The following SLC12A4 variants were observed in gnomAD, a reference collection of about 807,000 sequenced individuals.
The protein encoded by SLC12A4 is electroneutral potassium-chloride cotransporter 1.
In SLC12A4, 84 loss-of-function variants were observed where a neutral mutation model predicts 119.2. The ratio of observed to expected loss-of-function variants is 0.70; its 90% CI spans 0.59 to 0.85. SLC12A4 has a LOEUF of 0.85. Among genes scored for constraint, SLC12A4 ranks in the 40% least tolerant of loss-of-function variants. SLC12A4 has a pLI of 0.00. For synonymous variants in SLC12A4, 599 were observed against 604.6 expected, an observed-to-expected ratio of 0.99 and a Z score of 0.14; for missense variants, 1,298 against 1,476.3, an observed-to-expected ratio of 0.88 and a Z score of 1.98.
At chr16:67,952,703 C>A (rs1218530096) in intron 6 of SLC12A4, among the ~76,000 whole-genome samples, 4 of 151,682 alleles carry the variant, frequency 2.6e-5, no homozygotes, top group Non-Finnish European at 1.5e-5. Context: ...GCAGGAGGAT[C>A]GCCTGAATCC....
Position 67,963,814 on chromosome 16 carries a change from T to C in SLC12A4, c.116-255A>G, listed in dbSNP as rs747498098. On this transcript the variant is annotated intron_variant, in intron 1 of 23. Transcript: ENST00000316341. ...AATCCAGGTGAGGGCGCAGGCGCCCTAGCACAAGCACGTATGGACACTGAG... is the reference window on the plus strand; with the variant it reads ...AATCCAGGTGAGGGCGCAGGCGCCCCAGCACAAGCACGTATGGACACTGAG... 3.7e-5 allele frequency: 51 copies of C among 1,391,858 alleles called. No individual in the cohort carries two copies. In the South Asian group the frequency reaches 6.1e-4, roughly 17 times the overall value. 86.2% of individuals were successfully genotyped at this position (1,391,858 alleles called of 1,614,324 possible). A position where few individuals can be genotyped will look rare whatever the true frequency, so the allele number is the denominator to read the frequency against.
At chr16:67,946,742 G>C (rs932389056) in intron 17 of SLC12A4, 109 bp from the exon 18 acceptor site, 1 of 1,352,810 alleles carries the variant, frequency 7.4e-7, no homozygotes, top group African/African-American at 1.5e-5. Flanking sequence ...GGAGGGCCTG[G>C]GGGCAACAAG....
At chr16:67,959,132 G>A (rs1418966060) in intron 3 of SLC12A4, among the ~76,000 whole-genome samples, 1 of 152,182 alleles carries the variant, frequency 6.6e-6, no homozygotes, top group Non-Finnish European at 1.5e-5. Flanking sequence ...TGTAGGGCAG[G>A]TGAGGAAGAT....
At chr16:67,954,167 TG>T in intron 6 of SLC12A4, 3 of 403,270 alleles carry the variant, frequency 7.4e-6, no homozygotes, top group East Asian at 1.7e-4. Context: ...AGAGCTCCCA[TG>T]GGGCTCGTGG....
rs545242082 is a variant in SLC12A4, at chr16:67,968,597, C to A, written c.-44G>T. 2 of 1,387,012 alleles carry A rather than the reference C, an allele frequency of 1.4e-6. No individual in the cohort carries two copies. Among genetic ancestry groups the A allele is most frequent in the African/African-American group, 3.1e-5 (2 of 64,392 alleles). The allele number at this position is 1,387,012 out of a possible 1,614,324, so 85.9% of individuals were successfully genotyped here. A position where few individuals can be genotyped will look rare whatever the true frequency, so the allele number is the denominator to read the frequency against. ...CCGCACCCGCCGTCCCAGCCGCCCG[C>A]CGCTGTCCCCGCCGCTGTCCCCGCC... On this transcript the variant is annotated 5_prime_UTR_variant, in exon 1 of 24. Transcript: ENST00000316341.
In SLC12A4 at chr16:67,946,056, G is replaced by T; in HGVS notation, c.2634C>A (p.Ile878=). 6.2e-7 allele frequency: 1 copy of T among 1,614,042 alleles called. No individual in the cohort carries two copies. The highest frequency in any genetic ancestry group is 1.1e-5 in the South Asian group (1 of 91,092). ...HKVWRKCRMR[I]FTVAQMDDNS... ...TGTCATCCATCTGGGCCACTGTGAA[G>T]ATGCGCATCCGGCACTTCCTCCAGA... The change falls in exon 20 of 24, where the codon ATC becomes ATA. Residue 878 remains isoleucine, a synonymous_variant. Transcript: ENST00000316341.
chr16:67,945,072 T>G lies in SLC12A4; in HGVS notation c.3166+15A>C, dbSNP rs2058325387. On this transcript the variant is annotated intron_variant, in intron 23 of 23. Coordinates refer to ENST00000316341, the MANE Select transcript of SLC12A4 (RefSeq NM_005072.5). The stretch of plus-strand genomic sequence containing the variant: ...TATCCACCTCCCAACTGCCTGCCTC[T>G]CCACAAAGGGATACAGTTCTCGTCG... 1.3e-6 allele frequency: 2 copies of G among 1,575,460 alleles called. No homozygotes were observed. Among genetic ancestry groups the G allele is most frequent in the Non-Finnish European group, 1.7e-6 (2 of 1,158,080 alleles).
Position 67,946,571 on chromosome 16 carries a change from G to A in SLC12A4, c.2304C>T (p.Ser768=), listed in dbSNP as rs755145974. ...VKGFCQVVVA[S]KVREGLAHLI... ...GGTGGGCCAGCCCCTCCCGCACCTT[G>A]CTGGCCACCACCACCTGGCAGAAGC... The change falls in exon 18 of 24, where the codon AGC becomes AGT. Residue 768 remains serine, a synonymous_variant. Transcript: ENST00000316341. 1 of 1,612,838 alleles carries A rather than the reference G, an allele frequency of 6.2e-7. No homozygotes were observed. The highest frequency in any genetic ancestry group is 1.1e-5 in the South Asian group (1 of 91,080).
At position 67,968,399 on chromosome 16, in the gene SLC12A4, C is replaced by A. The variant is rs965925523; in HGVS notation, c.115+40G>T. The A allele has an allele frequency of 2.6e-6, 4 of 1,510,102 alleles. No homozygotes were observed. The African/African-American group carries it at 4.3e-5, about 16-fold the overall frequency. The allele number at this position is 1,510,102 out of a possible 1,614,324, so 93.5% of individuals were successfully genotyped here. Reference sequence around the variant, plus strand: ...CGGGATGGCGGCCCCGGGTGGCAGGCCCCGCTGCCCCGCCACGGCCCCTCA... The same window carrying A: ...CGGGATGGCGGCCCCGGGTGGCAGGACCCGCTGCCCCGCCACGGCCCCTCA... On this transcript the variant is annotated intron_variant, in intron 1 of 23. Coordinates refer to ENST00000316341, the MANE Select transcript of SLC12A4 (RefSeq NM_005072.5).
At chr16:67,945,281 C>T (rs1455985337) in intron 22 of SLC12A4, 61 bp from the exon 23 acceptor site, 1 of 1,563,548 alleles carries the variant, frequency 6.4e-7, no homozygotes, top group Non-Finnish European at 8.7e-7. Context: ...GGGTCCCCAC[C>T]CCTGGCCCAT....
rs537218937 is a variant in SLC12A4, at chr16:67,946,321, C to T, written c.2457G>A (p.Thr819=). The T allele has an allele frequency of 8.8e-5, 142 of 1,610,608 alleles. 3 individuals are homozygous for T. In the South Asian group the frequency reaches 1.1e-3, roughly 13 times the overall value. Residue 819 remains threonine, a synonymous_variant, in exon 19 of 24, where the codon ACG becomes ACA. Transcript: ENST00000316341. ...GCACGAGCAGGGCCAGGTGGGCAGC[C>T]GTAGTGCAGCGCACGGTGTCTGGGG... The part of the protein sequence containing the change: ...KTFIDTVRCT[T]AAHLALLVPK...
chr16:67,946,726 G>C, intron 17 of SLC12A4, 93 bp from the exon 18 acceptor site: 2 of 1,426,784 alleles, frequency 1.4e-6, no homozygotes, highest in Non-Finnish European at 9.5e-7. Context: ...ACGACTTTTG[G>C]GTGGAGGAGG....
chr16:67,960,222 C>G (rs559086431), intron 3 of SLC12A4, among the ~76,000 whole-genome samples: 1 of 152,354 alleles, frequency 6.6e-6, no homozygotes, highest in South Asian at 2.1e-4. Context: ...CACCAGCTCC[C>G]TGGCTTGGCC....
chr16:67,947,481 G>A (rs373391395), intron 15 of SLC12A4, 46 bp from the exon 16 acceptor site: 6 of 1,586,804 alleles, frequency 3.8e-6, no homozygotes, highest in Non-Finnish European at 5.2e-6. Context: ...CCGCCCAGGG[G>A]GTTCTGTCTA....
At chr16:67,962,044 C>T (rs1049842241) in intron 2 of SLC12A4, among the ~76,000 whole-genome samples, 2 of 152,240 alleles carry the variant, frequency 1.3e-5, no homozygotes, top group Admixed American at 6.5e-5. Context: ...ATCCTGCCTG[C>T]TCTGCCCAGC....
In SLC12A4 at chr16:67,952,021, T is replaced by G. The variant is rs1343159055; in HGVS notation, c.934A>C (p.Asn312His). Residue 312 changes from asparagine (N) to histidine (H), a missense_variant, in exon 8 of 24, where the codon AAC (asparagine) becomes CAC (histidine). By Grantham distance (68) the Asn-to-His change is moderately conservative. Coordinates refer to ENST00000316341, the MANE Select transcript of SLC12A4 (RefSeq NM_005072.5). ...PPVFPVCMLG[N>H]RTLSRDQFDI... ...AACTGGTCCCGGGACAGGGTCCTGT[T>G]GCCCAGCATGCATACCCTGTGAGGG... The G allele has an allele frequency of 1.9e-6, 3 of 1,613,836 alleles. No individual in the cohort carries two copies. The highest frequency in any genetic ancestry group is 8.5e-7 in the Non-Finnish European group (1 of 1,179,998).
intron 5 of SLC12A4, among the ~76,000 whole-genome samples, chr16:67,957,169 AT>A (rs34469845): frequency 0.034 from 4,161 of 120,706 alleles, 162 homozygotes; most frequent in African/African-American, 0.11. Context: ...TGCCTGGCTA[AT>A]TTTTTTTTTT....
chr16:67,948,078 C>T lies in SLC12A4; in HGVS notation c.1830G>A (p.Arg610=). 4 of 1,613,100 alleles carry T rather than the reference C, an allele frequency of 2.5e-6. No homozygotes were observed. The highest frequency in any genetic ancestry group is 3.4e-6 in the Non-Finnish European group (4 of 1,179,948). ...TGGCTCACCAGTGATAGTACTTGAA[C>T]CGGGGCCGCCAGTTGGGGGTCCTCA... ...TLLRTPNWRP[R]FKYYHWALSF... is the part of the protein sequence containing the mutation. Residue 610 remains arginine, a synonymous_variant, in exon 14 of 24, where the codon CGG becomes CGA. Transcript: ENST00000316341.
chr16:67,964,564 G>A (rs941001967), intron 1 of SLC12A4, among the ~76,000 whole-genome samples: 2 of 152,000 alleles, frequency 1.3e-5, no homozygotes, highest in African/African-American at 4.8e-5. Context: ...TCGCAGCCCC[G>A]GCCCTGGCTC....
Sources: allele counts gnomAD v4.1 joint callset (sites outside exome capture counted in the v4.1 genomes callset), GRCh38; gene constraint gnomAD v4.1.1; transcripts MANE v1.5; gene names NCBI Gene and HGNC (gene_info 2026-07-23, HGNC 2026-07-21).